Variants in VWA8 observed in about 807,000 individuals in gnomAD.
The protein encoded by VWA8 is von Willebrand factor A domain containing 8.
Under a neutral mutation model 241.5 loss-of-function variants are expected in VWA8, and 221 were observed. The observed-to-expected ratio is 0.91, with a 90% CI of 0.82 to 1.02. VWA8 has a LOEUF of 1.02. Ranked by LOEUF, VWA8 falls within the 50% of genes least tolerant of loss-of-function variation. The probability of loss-of-function intolerance (pLI) is 0.00; values close to 1 mark genes in which losing one functional copy is unlikely to be tolerated. For missense variants in VWA8, 2,322 were observed against 2,328.7 expected, an observed-to-expected ratio of 1.00 and a Z score of 0.06; for synonymous variants, 852 against 827.1, an observed-to-expected ratio of 1.03 and a Z score of -0.52.
rs1211721918 is a variant in VWA8 at position 41,703,314 on chromosome 13, T to A, written c.3214A>T (p.Ile1072Leu). Residue 1072 changes from isoleucine to leucine, a missense_variant, in exon 27 of 45, where the codon ATA becomes TTA. Ile to Leu is a conservative substitution (Grantham distance 5, BLOSUM62 2). Coordinates refer to ENST00000379310, the MANE Select transcript of VWA8 (RefSeq NM_015058.2). The part of the protein sequence containing the change: ...KLLCPVETHH[I>L]DIKGPALINI... ...ATGATGATATCAACCTTTATGTCTATATGATGAGTTTCCACTGGACACAAG... is the reference window on the plus strand; with the variant it reads ...ATGATGATATCAACCTTTATGTCTAAATGATGAGTTTCCACTGGACACAAG... 6.2e-7 allele frequency: 1 copy of A among 1,613,574 alleles called. No individual in the cohort carries two copies. Among genetic ancestry groups the A allele is most frequent in the Non-Finnish European group, 8.5e-7 (1 of 1,179,624 alleles).
intron 8 of VWA8, among the ~76,000 whole-genome samples, chr13:41,885,704 C>G (rs1874494265): frequency 6.6e-6 from 1 of 152,228 alleles, no homozygotes; most frequent in South Asian, 2.1e-4. Context: ...GATTGCATGT[C>G]TAGCTCCTAC....
intron 4 of VWA8, among the ~76,000 whole-genome samples, chr13:41,897,217 CAAAA>C (rs372450107): frequency 7.0e-6 from 1 of 143,198 alleles, no homozygotes; most frequent in Non-Finnish European, 1.5e-5. Flanking sequence ...AAATCAATTG[CAAAA>C]AAAAAAGATA....
At chr13:41,580,416 G>A (rs1241234671) in intron 42 of VWA8, among the ~76,000 whole-genome samples, 1 of 152,170 alleles carries the variant, frequency 6.6e-6, no homozygotes. Flanking sequence ...TTGAGGTACT[G>A]GAAAGAGATT....
intron 2 of VWA8, among the ~76,000 whole-genome samples, chr13:41,933,547 T>C (rs1416465575): frequency 6.6e-6 from 1 of 152,008 alleles, no homozygotes; most frequent in Non-Finnish European, 1.5e-5. Context: ...ACTAACATTA[T>C]CTGATTTCCA....
At chr13:41,651,093 C>T (rs1276658336) in intron 37 of VWA8, among the ~76,000 whole-genome samples, 1 of 151,958 alleles carries the variant, frequency 6.6e-6, no homozygotes, top group Non-Finnish European at 1.5e-5. Flanking sequence ...GATACATAGA[C>T]CAATGGAACA....
chr13:41,766,837 G>T (rs1206112753), intron 20 of VWA8, among the ~76,000 whole-genome samples: 2 of 152,164 alleles, frequency 1.3e-5, no homozygotes, highest in African/African-American at 2.4e-5. Flanking sequence ...CTTGAGGCCA[G>T]GATCATGCCC....
At chr13:41,869,358 G>A (rs114224819) in intron 9 of VWA8, among the ~76,000 whole-genome samples, 2,693 of 152,082 alleles carry the variant, frequency 0.018, 88 homozygotes, top group African/African-American at 0.06. Context: ...GAACCACCAG[G>A]CACAGTAGCT....
chr13:41,752,265 C>T (rs1210229030), intron 21 of VWA8, among the ~76,000 whole-genome samples: 1 of 152,076 alleles, frequency 6.6e-6, no homozygotes, highest in Non-Finnish European at 1.5e-5. Flanking sequence ...TCCTACTTAC[C>T]CCTTAAGACT....
chr13:41,578,710 A>C (rs2044365062), intron 42 of VWA8, among the ~76,000 whole-genome samples: 1 of 152,176 alleles, frequency 6.6e-6, no homozygotes, highest in Non-Finnish European at 1.5e-5. Context: ...TGTCATTATC[A>C]AACCGCCTAA....
At chr13:41,710,123 C>T (rs1337036539) in intron 26 of VWA8, among the ~76,000 whole-genome samples, 1 of 152,184 alleles carries the variant, frequency 6.6e-6, no homozygotes, top group Non-Finnish European at 1.5e-5. Context: ...TTTTGACCTA[C>T]TTGTTTCTCA....
chr13:41,760,645 G>A (rs954682661), intron 21 of VWA8, among the ~76,000 whole-genome samples: 1 of 151,840 alleles, frequency 6.6e-6, no homozygotes, highest in Non-Finnish European at 1.5e-5. Flanking sequence ...ATTAAAAGCT[G>A]AACCAGCATT....
At chr13:41,883,209 C>T (rs114041788) in intron 9 of VWA8, among the ~76,000 whole-genome samples, 178 bp downstream of exon 9, 1,671 of 152,088 alleles carry the variant, frequency 0.011, 34 homozygotes, top group African/African-American at 0.039. Flanking sequence ...CAGCTGTCTT[C>T]TTGTTGGAAT....
intron 25 of VWA8, among the ~76,000 whole-genome samples, chr13:41,720,136 G>T (rs1470517327): frequency 6.6e-6 from 1 of 152,098 alleles, no homozygotes; most frequent in Admixed American, 6.6e-5. Context: ...TTTCAGAAAA[G>T]TCAGTCTATG....
intron 24 of VWA8, 145 bp downstream of exon 24, chr13:41,727,049 C>A: frequency 1.4e-6 from 1 of 696,012 alleles, no homozygotes. Context: ...TTTTTCTTCA[C>A]TAAAAGGGGG....
intron 9 of VWA8, among the ~76,000 whole-genome samples, chr13:41,874,293 C>T (rs1477101014): frequency 1.3e-5 from 2 of 150,860 alleles, no homozygotes; most frequent in African/African-American, 4.9e-5. Context: ...GATGCCCTCT[C>T]TCACCACTCC....
intron 17 of VWA8, among the ~76,000 whole-genome samples, chr13:41,789,253 T>A (rs932092448): frequency 6.6e-6 from 1 of 152,182 alleles, no homozygotes; most frequent in African/African-American, 2.4e-5. Flanking sequence ...TGCTCACTGA[T>A]ATTTTTTACT....
At chr13:41,675,679 T>C (rs555874251) in intron 35 of VWA8, among the ~76,000 whole-genome samples, 2 of 152,262 alleles carry the variant, frequency 1.3e-5, no homozygotes, top group South Asian at 4.1e-4. Flanking sequence ...ACTGACCTGG[T>C]AGGAAGTCCT....
chr13:41,701,473 G>A lies in VWA8; in HGVS notation c.3283C>T (p.Leu1095=), dbSNP rs768396352. ...GAGGCACATTCTTCAGTAAAGTTTA[G>A]GGATCTTTCTTCATGTCTTTCTATT... The part of the protein sequence containing the change: ...YPIERHEERS[L]NFTEECASWR... Residue 1095 remains leucine (L), a synonymous_variant, in exon 28 of 45, where the codon CTA becomes TTA. Coordinates refer to ENST00000379310, the MANE Select transcript of VWA8 (RefSeq NM_015058.2). The A allele has an allele frequency of 1.7e-5, 28 of 1,611,794 alleles. No individual in the cohort carries two copies. The highest frequency in any genetic ancestry group is 2.3e-5 in the Non-Finnish European group (27 of 1,179,078).
intron 2 of VWA8, among the ~76,000 whole-genome samples, chr13:41,913,577 C>T (rs765930428): frequency 6.6e-6 from 1 of 152,112 alleles, no homozygotes; most frequent in Non-Finnish European, 1.5e-5. Context: ...TCTGACAGCA[C>T]AATATTGTTA....
Sources: gnomAD v4.1 joint callset for allele counts (sites outside exome capture counted in the v4.1 genomes callset) on GRCh38, gnomAD v4.1.1 for gene constraint, MANE v1.5 for transcripts, NCBI Gene and HGNC (gene_info 2026-07-23, HGNC 2026-07-21) for gene names.